Variants in HHIP observed in about 807,000 individuals in gnomAD.
HHIP encodes the protein hedgehog-interacting protein.
HHIP carries 12 observed loss-of-function variants against 74.0 expected under a neutral mutation model. The observed-to-expected ratio is 0.16, with a 90% CI of 0.10 to 0.26. HHIP has a LOEUF of 0.26. HHIP is among the 10% of genes least tolerant of loss of function. HHIP has a pLI of 1.00. For synonymous variants in HHIP, 309 were observed against 311.6 expected, an observed-to-expected ratio of 0.99 and a Z score of 0.09; for missense variants, 788 against 845.0, an observed-to-expected ratio of 0.93 and a Z score of 0.84.
At position 144,737,902 on chromosome 4, in the gene HHIP, A is replaced by G. The variant is rs1731162340; in HGVS notation, c.2048A>G (p.Asp683Gly). ...IRRVTRAGIL[D>G]QIIDMTSYLL... ...AGAGTGACCAGGGCAGGTATTCTTG[A>G]TCAGATCATTGACATGACATCTTAC... Residue 683 changes from aspartate (D) to glycine (G), a missense_variant, in exon 13 of 13, where the codon GAT becomes GGT. By Grantham distance (94) the Asp-to-Gly change is moderately conservative (BLOSUM62 -1). This residue lies in a region of HHIP where 343 missense variants were observed against 347.9 expected (regional missense o/e 0.99). Transcript: ENST00000296575. The G allele has an allele frequency of 6.2e-7, 1 of 1,613,424 alleles. No individual in the cohort carries two copies. The highest frequency in any genetic ancestry group is 1.1e-5 in the South Asian group (1 of 91,042).
At chr4:144,650,113 G>A (rs1325127450) in intron 1 of HHIP, among the ~76,000 whole-genome samples, 2 of 152,144 alleles carry the variant, frequency 1.3e-5, no homozygotes, top group Non-Finnish European at 2.9e-5. Context: ...TGCCCTCTTT[G>A]TTTAGTTACT....
intron 10 of HHIP, among the ~76,000 whole-genome samples, chr4:144,717,890 G>A (rs1439440403): frequency 2.0e-5 from 3 of 152,050 alleles, no homozygotes; most frequent in Non-Finnish European, 4.4e-5. Flanking sequence ...AGCAATTAAC[G>A]GTAACAACTT....
chr4:144,684,201 G>A (rs1432196196), intron 4 of HHIP, among the ~76,000 whole-genome samples: 2 of 121,884 alleles, frequency 1.6e-5, no homozygotes, highest in Admixed American at 9.1e-5. Context: ...GACAAAACCC[G>A]TCTCTATGAA....
chr4:144,692,292 T>C lies in HHIP; in HGVS notation c.832-14239T>C, dbSNP rs554000970. On this transcript the variant is annotated intron_variant, in intron 4 of 12. Coordinates refer to ENST00000296575, the MANE Select transcript of HHIP (RefSeq NM_022475.3). ...AGATTCAAACCCAACTGTCATGTAA[T>C]AGAGCCCACATTCTCTCCACCGTAT... Among the ~76,000 whole-genome samples the C allele has an allele frequency of 1.1e-4, 17 of 152,254 alleles. No individual in the cohort carries two copies. The South Asian group carries it at 3.3e-3, about 30-fold the overall frequency.
intron 8 of HHIP, among the ~76,000 whole-genome samples, chr4:144,712,764 T>C (rs1349900709): frequency 2.6e-5 from 4 of 152,064 alleles, no homozygotes; most frequent in Non-Finnish European, 4.4e-5. Flanking sequence ...ACACAGTAGA[T>C]TAAGATTATT....
At chr4:144,670,409 C>T (rs2093490770) in intron 4 of HHIP, among the ~76,000 whole-genome samples, 2 of 144,098 alleles carry the variant, frequency 1.4e-5, no homozygotes, top group African/African-American at 2.6e-5. Context: ...TGCAATGAAT[C>T]GAGATCATGC....
chr4:144,660,486 T>G lies in HHIP; in HGVS notation c.831+648T>G, dbSNP rs533144228. Among the ~76,000 whole-genome samples, 5 of 152,256 alleles carry G rather than the reference T, an allele frequency of 3.3e-5. No homozygotes were observed. The South Asian group carries it at 1.0e-3, about 32-fold the overall frequency. The stretch of plus-strand genomic sequence containing the variant: ...AACCATAAAGCAAATTATGACGTTC[T>G]AAAATTAAGACACATTTAATAGCTC... On this transcript the variant is annotated intron_variant, in intron 4 of 12. Coordinates refer to ENST00000296575, the MANE Select transcript of HHIP (RefSeq NM_022475.3).
chr4:144,719,038 T>A (rs1455749524), intron 11 of HHIP, 82 bp downstream of exon 11: 1 of 859,518 alleles, frequency 1.2e-6, no homozygotes, highest in African/African-American at 1.7e-5. Context: ...GATAGGAATG[T>A]CACAATTAGC....
rs1002281023 is a variant in HHIP, at chr4:144,710,319, A to G, written c.1302-1631A>G. Among the ~76,000 whole-genome samples, 11 of 152,306 alleles carry G rather than the reference A, an allele frequency of 7.2e-5. No individual in the cohort carries two copies. In the East Asian group the frequency reaches 2.1e-3, roughly 29 times the overall value. On this transcript the variant is annotated intron_variant, in intron 7 of 12. Coordinates refer to ENST00000296575, the MANE Select transcript of HHIP (RefSeq NM_022475.3). ...TAAGTCACAGCATGACTGTATCATG[A>G]TCCCTGCCAGGCATTGTCTTCTGTG...
intron 8 of HHIP, among the ~76,000 whole-genome samples, chr4:144,713,206 C>T (rs1370526250): frequency 6.6e-6 from 1 of 152,184 alleles, no homozygotes; most frequent in Admixed American, 6.5e-5. Flanking sequence ...CCACATTGTA[C>T]AAATGAGGAA....
chr4:144,674,927 C>A (rs1729133532), intron 4 of HHIP, among the ~76,000 whole-genome samples: 1 of 152,066 alleles, frequency 6.6e-6, no homozygotes, highest in Non-Finnish European at 1.5e-5. Flanking sequence ...GGCCCCTTTG[C>A]CTGTAGGGGG....
intron 2 of HHIP, among the ~76,000 whole-genome samples, chr4:144,654,027 C>G (rs13150962): frequency 0.014 from 2,064 of 152,250 alleles, 19 homozygotes; most frequent in Non-Finnish European, 0.019. Context: ...TAAATGTTTG[C>G]TGGAAACTTC....
chr4:144,724,557 T>C (rs567379541), intron 11 of HHIP, among the ~76,000 whole-genome samples: 140 of 151,610 alleles, frequency 9.2e-4, no homozygotes, highest in African/African-American at 3.3e-3. Flanking sequence ...TTTTGATAAA[T>C]GTTGTGAAAT....
intron 11 of HHIP, among the ~76,000 whole-genome samples, chr4:144,724,186 T>A (rs1435870013): frequency 6.6e-6 from 1 of 152,206 alleles, no homozygotes; most frequent in Non-Finnish European, 1.5e-5. Context: ...TTTGCATACA[T>A]GTACATGTGT....
chr4:144,717,557 AAT>A (rs368450434), intron 10 of HHIP, among the ~76,000 whole-genome samples: 424 of 152,278 alleles, frequency 2.8e-3, no homozygotes, highest in African/African-American at 9.7e-3. Flanking sequence ...TGTAATTATA[AAT>A]ATGGCTTCAA....
At chr4:144,735,037 T>TG (rs1731073076) in intron 12 of HHIP, 148 bp downstream of exon 12, 1 of 647,636 alleles carries the variant, frequency 1.5e-6, no homozygotes, top group Admixed American at 3.5e-5. Context: ...CATCTGTTTA[T>TG]GAGCTTGTAA....
At chr4:144,700,753 A>C (rs1005180971) in intron 4 of HHIP, among the ~76,000 whole-genome samples, 1 of 152,224 alleles carries the variant, frequency 6.6e-6, no homozygotes, top group African/African-American at 2.4e-5. Context: ...CTCTGCCAAC[A>C]TTTATTATAA....
At chr4:144,735,016 C>T (rs1731072174) in intron 12 of HHIP, 127 bp downstream of exon 12, 5 of 765,382 alleles carry the variant, frequency 6.5e-6, no homozygotes, top group South Asian at 3.4e-5. Context: ...ATTTACAATA[C>T]TATTAATGCT....
chr4:144,712,287 A>C (rs965861326), intron 8 of HHIP, among the ~76,000 whole-genome samples: 2 of 152,170 alleles, frequency 1.3e-5, no homozygotes, highest in African/African-American at 4.8e-5. Context: ...CATGGATTGA[A>C]AGGTTCTCAG....
Sources: allele counts gnomAD v4.1 joint callset (sites outside exome capture counted in the v4.1 genomes callset), GRCh38; gene constraint gnomAD v4.1.1; regional missense constraint gnomAD v4.1.1; transcripts MANE v1.5; gene names NCBI Gene and HGNC (gene_info 2026-07-23, HGNC 2026-07-21).